The following FRMPD4 variants were observed in gnomAD, a reference collection of about 807,000 sequenced individuals.
FRMPD4 encodes the protein FERM and PDZ domain-containing protein 4.
FRMPD4 carries 22 observed loss-of-function variants against 94.1 expected under a neutral mutation model. The ratio of observed to expected loss-of-function variants is 0.23; its 90% CI spans 0.17 to 0.33. FRMPD4 has a LOEUF of 0.33. Among genes scored for constraint, FRMPD4 ranks in the 10% least tolerant of loss-of-function variants. The pLI, the probability that FRMPD4 is intolerant of heterozygous loss-of-function variation, is 1.00. For synonymous variants in FRMPD4, 631 were observed against 548.6 expected (o/e 1.15, Z -2.10); for missense variants, 1,111 against 1,339.9 (o/e 0.83, Z 2.67).
rs947906329 is a variant in FRMPD4, at chrX:12,721,131, G to A, written c.4562G>A (p.Arg1521Lys). The A allele has an allele frequency of 4.0e-6, 3 of 757,082 alleles. No individual in the cohort carries two copies. In the South Asian group the frequency reaches 2.0e-4, roughly 51 times the overall value. 62.4% of individuals were successfully genotyped at this position (757,082 alleles called of 1,213,427 possible). A position where few individuals can be genotyped will look rare whatever the true frequency, so the allele number is the denominator to read the frequency against. ...QDEDGEEEEE[R>K]GEATVQVSCL... ...GAAGATGGTGAGGAAGAAGAGGAGA[G>A]GGGAGAGGCCACCGTCCAGGTCTCT... is the stretch of plus-strand genomic sequence containing the variant. Residue 1521 changes from arginine to lysine, a missense_variant, in exon 17 of 17, where the codon AGG (arginine) becomes AAG (lysine). Around this residue, in one of 8 missense-constraint regions of FRMPD4, gnomAD observed 551 missense variants for 591.6 expected, o/e 0.93. Coordinates refer to ENST00000675598, the MANE Select transcript of FRMPD4 (RefSeq NM_001368397.1).
chrX:11,964,164 T>G (rs914211448), intron 3 of FRMPD4, among the ~76,000 whole-genome samples: 8 of 109,465 alleles, frequency 7.3e-5, no homozygotes, highest in African/African-American at 2.7e-4. Context: ...TTGTTGTTGT[T>G]GTTGTTGTTG....
chrX:12,125,787 C>T (rs183323829), intron 3 of FRMPD4, among the ~76,000 whole-genome samples: 32 of 112,170 alleles, frequency 2.9e-4, no homozygotes, highest in African/African-American at 9.7e-4. Flanking sequence ...CTTTAGCAAA[C>T]GCAAAAGCTC....
chrX:12,192,231 C>T (rs760173664), intron 1 of FRMPD4, among the ~76,000 whole-genome samples: 171 of 111,549 alleles, frequency 1.5e-3, no homozygotes, highest in African/African-American at 5.5e-3. Context: ...CATTTCTGGG[C>T]ATATTCCTCA....
At chrX:12,648,807 G>A (rs192742415) in intron 4 of FRMPD4, among the ~76,000 whole-genome samples, 1 of 112,316 alleles carries the variant, frequency 8.9e-6, no homozygotes, top group East Asian at 2.8e-4. Flanking sequence ...GGACATTGGT[G>A]CACATAGCCT....
rs769584947 is a variant in FRMPD4, at chrX:12,690,256, T to C, written c.743T>C (p.Met248Thr). 8.3e-7 allele frequency: 1 copy of C among 1,204,125 alleles called. No homozygotes were observed. The highest frequency in any genetic ancestry group is 1.1e-6 in the Non-Finnish European group (1 of 888,553). ...SIKGIEHFSL[M>T]LEQRTEGAGT... The stretch of plus-strand genomic sequence containing the variant: ...AAAGGCATTGAACACTTCTCTCTCA[T>C]GCTGGAGCAGAGGACAGAAGGGGCT... Residue 248 changes from methionine (M) to threonine (T), a missense_variant, in exon 8 of 17, where the codon ATG (methionine) becomes ACG (threonine). This residue lies in a region of FRMPD4 where 37 missense variants were observed against 101.0 expected (regional missense o/e 0.37). Transcript: ENST00000675598.
intron 1 of FRMPD4, among the ~76,000 whole-genome samples, chrX:12,251,044 A>C (rs1475899061): frequency 1.8e-5 from 2 of 112,335 alleles, no homozygotes; most frequent in African/African-American, 6.5e-5. Context: ...AATTCCAGAC[A>C]TTACAAATGG....
intron 3 of FRMPD4, among the ~76,000 whole-genome samples, chrX:11,999,722 A>G (rs1177751529): frequency 8.9e-6 from 1 of 112,131 alleles, no homozygotes; most frequent in African/African-American, 3.2e-5. Flanking sequence ...ATAACAGTAC[A>G]GACTCTTAAA....
intron 1 of FRMPD4, among the ~76,000 whole-genome samples, chrX:12,454,592 T>C (rs2057311578): frequency 1.8e-5 from 2 of 109,788 alleles, no homozygotes; most frequent in African/African-American, 6.6e-5. Flanking sequence ...TTTCCCAATG[T>C]AGGTTTACAA....
intron 3 of FRMPD4, among the ~76,000 whole-genome samples, chrX:12,077,253 T>C (rs1202257431): frequency 3.6e-5 from 4 of 112,083 alleles, no homozygotes; most frequent in African/African-American, 1.3e-4. Flanking sequence ...TGTGTTCTGT[T>C]TTGTGTACTT....
At chrX:12,559,850 A>G (rs1378425564) in intron 2 of FRMPD4, among the ~76,000 whole-genome samples, 1 of 111,977 alleles carries the variant, frequency 8.9e-6, no homozygotes, top group Non-Finnish European at 1.9e-5. Context: ...GATGTCTTCA[A>G]ATTATATTTT....
chrX:12,390,215 G>A (rs1389963762), intron 1 of FRMPD4, among the ~76,000 whole-genome samples: 4 of 112,274 alleles, frequency 3.6e-5, no homozygotes, highest in African/African-American at 9.7e-5. Context: ...AGTCTGAGGA[G>A]AGAACTTGTC....
intron 1 of FRMPD4, among the ~76,000 whole-genome samples, chrX:12,340,279 A>G (rs1379456341): frequency 8.9e-6 from 1 of 112,685 alleles, no homozygotes; most frequent in African/African-American, 3.2e-5. Flanking sequence ...TTTTTCAGAC[A>G]TGTTTAATCA....
At chrX:12,335,842 G>A (rs1196476706) in intron 1 of FRMPD4, among the ~76,000 whole-genome samples, 3 of 112,264 alleles carry the variant, frequency 2.7e-5, no homozygotes, top group African/African-American at 3.2e-5. Flanking sequence ...ACTGCTATCC[G>A]CTTAGAGTAA....
At chrX:12,658,911 GC>G (rs1220360016) in intron 4 of FRMPD4, among the ~76,000 whole-genome samples, 4 of 111,789 alleles carry the variant, frequency 3.6e-5, no homozygotes, top group Non-Finnish European at 7.5e-5. Context: ...CAGCTTAGTG[GC>G]CGGAGTGACC....
chrX:12,700,359 C>T (rs1408006282), intron 9 of FRMPD4, among the ~76,000 whole-genome samples: 2 of 112,295 alleles, frequency 1.8e-5, no homozygotes, highest in African/African-American at 6.5e-5. Context: ...GCCCAGGAAT[C>T]CAGTTTCCCA....
Position 12,612,010 on chromosome X carries a change from C to G in FRMPD4, c.319+2129C>G, listed in dbSNP as rs1195955284. Among the ~76,000 whole-genome samples the G allele has an allele frequency of 2.7e-5, 3 of 110,766 alleles. No individual in the cohort carries two copies. The East Asian group carries it at 8.4e-4, about 31-fold the overall frequency. ...ATAATATGTATAGTAGATATAATTC[C>G]GTGCATACACAAACACACATATGTA... On this transcript the variant is annotated intron_variant, in intron 3 of 16. Transcript: ENST00000675598.
rs936084619 is a variant in FRMPD4 at position 12,204,990 on chromosome X, C to T, written c.41+65978C>T. On this transcript the variant is annotated intron_variant, in intron 1 of 16. Transcript: ENST00000675598. Reference sequence around the variant, plus strand: ...TTGCTTCATGCCGAAGGAGTCACCTCTCTGGGTTCTCACATGCTGTAAATT... The same window carrying T: ...TTGCTTCATGCCGAAGGAGTCACCTTTCTGGGTTCTCACATGCTGTAAATT... Among the ~76,000 whole-genome samples the T allele has an allele frequency of 2.7e-5, 3 of 109,711 alleles. No individual in the cohort carries two copies. The East Asian group carries it at 8.6e-4, about 31-fold the overall frequency.
intron 1 of FRMPD4, among the ~76,000 whole-genome samples, chrX:12,451,370 C>A (rs1404053010): frequency 8.9e-6 from 1 of 111,902 alleles, no homozygotes; most frequent in Admixed American, 9.5e-5. Context: ...TTTGAAGAAT[C>A]TCTTTTGGTC....
At chrX:12,311,536 C>CT (rs1430036971) in intron 1 of FRMPD4, among the ~76,000 whole-genome samples, 6 of 109,199 alleles carry the variant, frequency 5.5e-5, no homozygotes, top group African/African-American at 1.0e-4. Flanking sequence ...CATCTTTCTT[C>CT]TTTTTTTTTA....
Sources: gnomAD v4.1 joint callset for allele counts (sites outside exome capture counted in the v4.1 genomes callset) on GRCh38, gnomAD v4.1.1 for gene constraint, gnomAD v4.1.1 regional missense constraint, MANE v1.5 for transcripts, NCBI Gene and HGNC (gene_info 2026-07-23, HGNC 2026-07-21) for gene names.